SYNE1: variants seen among roughly 807,000 people sequenced by gnomAD.
The protein encoded by SYNE1 is spectrin repeat containing nuclear envelope protein 1, also known as nesprin-1.
In SYNE1, 616 loss-of-function variants were observed where a neutral mutation model predicts 1,111.0. That is an observed-to-expected ratio of 0.55 (90% CI 0.52 to 0.59). SYNE1 has a LOEUF of 0.59. Ranked by LOEUF, SYNE1 falls within the 20% of genes least tolerant of loss-of-function variation. The pLI, the probability that SYNE1 is intolerant of heterozygous loss-of-function variation, is 0.00. For synonymous variants in SYNE1, 3,855 were observed against 3,825.8 expected (o/e 1.01, Z -0.28); for missense variants, 10,006 against 10,417.0 (o/e 0.96, Z 1.72).
intron 38 of SYNE1, among the ~76,000 whole-genome samples, chr6:152,425,953 T>C (rs116563189): frequency 0.014 from 2,167 of 152,288 alleles, 52 homozygotes; most frequent in African/African-American, 0.05. Flanking sequence ...AGAGACTCAG[T>C]GCACAGCTAA....
chr6:152,278,663 G>A lies in SYNE1; in HGVS notation c.18382-383C>T, dbSNP rs191217867. On this transcript the variant is annotated intron_variant, in intron 97 of 145. Coordinates refer to ENST00000367255, the MANE Select transcript of SYNE1 (RefSeq NM_182961.4). ...TTTTTAGTAGAGACGGGGTTTCACC[G>A]TGTTAGCTAGGATGGTCTAGATCTC... Among the ~76,000 whole-genome samples, 341 of 152,162 alleles carry A rather than the reference G, an allele frequency of 2.2e-3. 1 individual carries two copies. The highest frequency in any genetic ancestry group is 0.01 in the Middle Eastern group (3 of 294).
At chr6:152,255,533 C>T in intron 103 of SYNE1, 58 bp downstream of exon 103, 1 of 1,583,108 alleles carries the variant, frequency 6.3e-7, no homozygotes, top group Non-Finnish European at 8.7e-7. Context: ...ATTATCCCAT[C>T]AAAATGTCAA....
At chr6:152,308,900 T>C (rs1334104496) in intron 90 of SYNE1, among the ~76,000 whole-genome samples, 2 of 152,230 alleles carry the variant, frequency 1.3e-5, no homozygotes, top group Non-Finnish European at 2.9e-5. Context: ...GATATCGTCC[T>C]GAAGATGGAA....
chr6:152,270,146 C>G (rs2153682798), intron 98 of SYNE1, among the ~76,000 whole-genome samples: 1 of 152,266 alleles, frequency 6.6e-6, no homozygotes, highest in Middle Eastern at 3.4e-3. Flanking sequence ...TCCTAGAATT[C>G]TCTATCTTTG....
rs376968103 is a variant in SYNE1 at position 152,164,295 on chromosome 6, G to T, written c.23658C>A (p.Ala7886=). ...RVKKLKETLV[A]VQQLDKNMSS... is the part of the protein sequence containing the mutation. ...TCATGTTCTTATCAAGCTGCTGCAC[G>T]GCTACCAGGGTCTCCTTCAGCTTCT... Residue 7886 remains alanine (A), a synonymous_variant, in exon 131 of 146, where the codon GCC becomes GCA. Coordinates refer to ENST00000367255, the MANE Select transcript of SYNE1 (RefSeq NM_182961.4). 1.9e-6 allele frequency: 3 copies of T among 1,613,990 alleles called. No individual in the cohort carries two copies. The East Asian group carries it at 6.7e-5, about 36-fold the overall frequency.
chr6:152,217,345 G>A (rs1300092294), intron 121 of SYNE1, among the ~76,000 whole-genome samples: 7 of 146,738 alleles, frequency 4.8e-5, no homozygotes, highest in African/African-American at 1.5e-4. Flanking sequence ...GCAGTGAGCC[G>A]AGATTGCACC....
intron 42 of SYNE1, among the ~76,000 whole-genome samples, 175 bp from the exon 43 acceptor site, chr6:152,409,884 A>C (rs1318824571): frequency 1.3e-5 from 2 of 152,210 alleles, no homozygotes; most frequent in African/African-American, 4.8e-5. Context: ...CAATGTCTAA[A>C]ATATTCTCCG....
chr6:152,359,594 T>C, intron 64 of SYNE1, 136 bp from the exon 65 acceptor site: 1 of 1,074,870 alleles, frequency 9.3e-7, no homozygotes, highest in South Asian at 1.4e-5. Flanking sequence ...TCCATCATTT[T>C]ATCTATTTGA....
intron 143 of SYNE1, among the ~76,000 whole-genome samples, chr6:152,132,730 T>C (rs2056110599): frequency 6.6e-6 from 1 of 152,188 alleles, no homozygotes; most frequent in African/African-American, 2.4e-5. Context: ...CATGGCAGGA[T>C]TTCACAGCAG....
chr6:152,485,598 CTT>C (rs2098934982), intron 12 of SYNE1, among the ~76,000 whole-genome samples: 1 of 152,056 alleles, frequency 6.6e-6, no homozygotes, highest in Non-Finnish European at 1.5e-5. Context: ...TATATGTAGA[CTT>C]AACTATAAGC....
chr6:152,173,469 G>A (rs1403754350), intron 130 of SYNE1, among the ~76,000 whole-genome samples: 1 of 152,252 alleles, frequency 6.6e-6, no homozygotes, highest in Non-Finnish European at 1.5e-5. Context: ...AGCGCTGGAA[G>A]AGGCAAGAGT....
intron 95 of SYNE1, among the ~76,000 whole-genome samples, chr6:152,289,681 C>A (rs141999524): frequency 6.6e-6 from 1 of 152,114 alleles, no homozygotes; most frequent in Non-Finnish European, 1.5e-5. Context: ...GGCTGGAGTG[C>A]GGTGGCGCAA....
rs146567178 is a variant in SYNE1, at chr6:152,339,242, G to A, written c.12350C>T (p.Thr4117Met). 1,209 of 1,613,262 alleles carry A rather than the reference G, an allele frequency of 7.5e-4. 2 individuals are homozygous for A. The highest frequency in any genetic ancestry group is 5.8e-4 in the Non-Finnish European group (689 of 1,179,436). The change falls in exon 75 of 146, where the codon ACG (threonine) becomes ATG (methionine). Residue 4117 changes from threonine (T) to methionine (M), a missense_variant and splice_region_variant. Coordinates refer to ENST00000367255, the MANE Select transcript of SYNE1 (RefSeq NM_182961.4). ...CAATGTGATTTTTCATTTTCTTACC[G>A]TTTGCTCTGTTTGTTGAATGTCTTT... ...TAKDIQQTEQ[T>M]IEQKLVQAQN...
At chr6:152,620,119 C>T (rs1205315926) in intron 3 of SYNE1, among the ~76,000 whole-genome samples, 3 of 136,880 alleles carry the variant, frequency 2.2e-5, no homozygotes, top group African/African-American at 7.4e-5. Context: ...GAAACATGTA[C>T]ATGTAAAGAA....
chr6:152,517,834 G>C (rs1281081708), intron 6 of SYNE1, among the ~76,000 whole-genome samples: 3 of 152,144 alleles, frequency 2.0e-5, no homozygotes, highest in Non-Finnish European at 4.4e-5. Context: ...AGAGAGACTG[G>C]TTATCTAAAG....
At chr6:152,145,204 C>T in intron 137 of SYNE1, 1 of 452,274 alleles carries the variant, frequency 2.2e-6, no homozygotes, top group Non-Finnish European at 4.1e-6. Flanking sequence ...ACTGGGTTTT[C>T]CTTCTCATAT....
At chr6:152,592,171 G>A (rs1120880) in intron 3 of SYNE1, among the ~76,000 whole-genome samples, 3,318 of 151,996 alleles carry the variant, frequency 0.022, 127 homozygotes, top group African/African-American at 0.076. Flanking sequence ...ATTACTGGGT[G>A]TATGCTGGGT....
At chr6:152,168,835 T>C (rs1312073617) in intron 130 of SYNE1, among the ~76,000 whole-genome samples, 1 of 152,160 alleles carries the variant, frequency 6.6e-6, no homozygotes, top group African/African-American at 2.4e-5. Flanking sequence ...TATGCAAAAC[T>C]TTTGTCCTTT....
At position 152,608,154 on chromosome 6, in the gene SYNE1, A is replaced by G. The variant is rs1217034845; in HGVS notation, c.67+20111T>C. 5.4e-5 allele frequency among the ~76,000 whole-genome samples: 4 copies of G among 74,440 alleles called. No homozygotes were observed. The East Asian group carries it at 1.7e-3, about 32-fold the overall frequency. The allele number at this position is 74,440 out of a possible 152,430, so 48.8% of individuals were successfully genotyped here. On this transcript the variant is annotated intron_variant, in intron 3 of 145. Coordinates refer to ENST00000367255, the MANE Select transcript of SYNE1 (RefSeq NM_182961.4). ...CGGCACATGTATACTGGAACTTAAAATAAATAAATAAAAATAAATAAATAA... is the reference window on the plus strand; with the variant it reads ...CGGCACATGTATACTGGAACTTAAAGTAAATAAATAAAAATAAATAAATAA...
Sources: allele counts gnomAD v4.1 joint callset (sites outside exome capture counted in the v4.1 genomes callset), GRCh38; gene constraint gnomAD v4.1.1; transcripts MANE v1.5; gene names NCBI Gene and HGNC (gene_info 2026-07-23, HGNC 2026-07-21).